Variants in ZMIZ1 observed in about 807,000 individuals in gnomAD.
The protein encoded by ZMIZ1 is zinc finger MIZ domain-containing protein 1.
Under a neutral mutation model 113.9 loss-of-function variants are expected in ZMIZ1, and 17 were observed. The ratio of observed to expected loss-of-function variants is 0.15; its 90% CI spans 0.10 to 0.22. ZMIZ1 has a LOEUF of 0.22. Ranked by LOEUF, ZMIZ1 falls within the 10% of genes least tolerant of loss-of-function variation. The probability of loss-of-function intolerance (pLI) is 1.00; values close to 1 mark genes in which losing one functional copy is unlikely to be tolerated. For synonymous variants in ZMIZ1, 607 were observed against 603.1 expected (o/e 1.01, Z -0.09); for missense variants, 1,059 against 1,477.8 (o/e 0.72, Z 4.65).
chr10:79,306,035 G>C, intron 21 of ZMIZ1, 65 bp from the exon 22 acceptor site: 1 of 1,569,552 alleles, frequency 6.4e-7, no homozygotes, highest in South Asian at 1.2e-5. Flanking sequence ...GTCGGAGCTG[G>C]AGGTGCTTTT....
chr10:79,174,014 C>A (rs576274512), intron 4 of ZMIZ1, among the ~76,000 whole-genome samples: 11 of 152,352 alleles, frequency 7.2e-5, no homozygotes, highest in African/African-American at 2.6e-4. Context: ...CTGTAAACTT[C>A]AGGTTCCCTG....
chr10:79,170,515 G>A (rs2132529222), intron 4 of ZMIZ1, among the ~76,000 whole-genome samples: 1 of 152,268 alleles, frequency 6.6e-6, no homozygotes, highest in Admixed American at 6.5e-5. Flanking sequence ...TGCCTTCCAG[G>A]AGGCCCTAAC....
At chr10:79,226,715 C>A (rs1849213688) in intron 7 of ZMIZ1, among the ~76,000 whole-genome samples, 1 of 152,176 alleles carries the variant, frequency 6.6e-6, no homozygotes, top group African/African-American at 2.4e-5. Flanking sequence ...CTTTTTTTAA[C>A]CAAGTGTTGC....
At chr10:79,279,710 C>T (rs963627871) in intron 8 of ZMIZ1, among the ~76,000 whole-genome samples, 5 of 152,206 alleles carry the variant, frequency 3.3e-5, no homozygotes, top group Non-Finnish European at 5.9e-5. Context: ...GTCTGCAATC[C>T]GGCACCTTGG....
At chr10:79,264,591 G>A (rs1564563707) in intron 7 of ZMIZ1, among the ~76,000 whole-genome samples, 1 of 152,188 alleles carries the variant, frequency 6.6e-6, no homozygotes. Context: ...GGCCAGCCTT[G>A]GCCCTGGCCT....
At position 79,306,232 on chromosome 10, in the gene ZMIZ1, G is replaced by A; in HGVS notation, c.2556G>A (p.Gln852=). Residue 852 remains glutamine, a synonymous_variant, in exon 22 of 25, where the codon CAG becomes CAA. Transcript: ENST00000334512. Reference sequence around the variant, plus strand: ...GGTTCAAGACCATGAGTCCCAGCCAGATGATCATGCCCAATGTCATGGAGA... The same window carrying A: ...GGTTCAAGACCATGAGTCCCAGCCAAATGATCATGCCCAATGTCATGGAGA... The part of the protein sequence containing the change: ...SKRFKTMSPS[Q]MIMPNVMEMI... 1 of 1,614,182 alleles carries A rather than the reference G, an allele frequency of 6.2e-7. No individual in the cohort carries two copies.
intron 6 of ZMIZ1, among the ~76,000 whole-genome samples, chr10:79,215,880 T>G (rs1848705988): frequency 6.6e-6 from 1 of 152,072 alleles, no homozygotes. Flanking sequence ...TTCTAAAATG[T>G]GGTCGAATCT....
chr10:79,115,064 T>A (rs1180448404), intron 1 of ZMIZ1, among the ~76,000 whole-genome samples: 2 of 152,238 alleles, frequency 1.3e-5, no homozygotes, highest in African/African-American at 4.8e-5. Context: ...GCCCAGGTGA[T>A]TCTTAGCAGA....
intron 5 of ZMIZ1, among the ~76,000 whole-genome samples, chr10:79,207,704 C>T (rs1399308959): frequency 6.6e-6 from 1 of 152,200 alleles, no homozygotes; most frequent in Non-Finnish European, 1.5e-5. Context: ...ACAGCAGCCC[C>T]TAGTGTGAGG....
rs142122842 is a variant in ZMIZ1 at position 79,304,034 on chromosome 10, C to T, written c.2145C>T (p.Ser715=). 60 of 1,614,026 alleles carry T rather than the reference C, an allele frequency of 3.7e-5. No individual in the cohort carries two copies. In the African/African-American group the frequency reaches 5.2e-4, roughly 14 times the overall value. Residue 715 remains serine, a synonymous_variant, in exon 19 of 25, where the codon AGC becomes AGT. Transcript: ENST00000334512. Reference sequence around the variant, plus strand: ...CCGCAGTCAAGCGGAATTTCAGCAGCGTGGCTGCCTCCTCGGGCAACACGA... The same window carrying T: ...CCGCAGTCAAGCGGAATTTCAGCAGTGTGGCTGCCTCCTCGGGCAACACGA... The part of the protein sequence containing the change: ...CITKIKRNFS[S]VAASSGNTTL...
At chr10:79,116,811 C>G (rs996232060) in intron 1 of ZMIZ1, among the ~76,000 whole-genome samples, 2 of 152,210 alleles carry the variant, frequency 1.3e-5, no homozygotes, top group African/African-American at 4.8e-5. Flanking sequence ...CACTAGAGCC[C>G]CCTGTGCCCT....
chr10:79,210,175 G>A (rs1848477801), intron 6 of ZMIZ1, among the ~76,000 whole-genome samples: 1 of 152,144 alleles, frequency 6.6e-6, no homozygotes, highest in South Asian at 2.1e-4. Context: ...GAGGAGGTGG[G>A]AACCTTGTGT....
chr10:79,145,690 A>G (rs1258191633), intron 3 of ZMIZ1, among the ~76,000 whole-genome samples: 1 of 152,184 alleles, frequency 6.6e-6, no homozygotes, highest in Non-Finnish European at 1.5e-5. Flanking sequence ...GAAGGGCTTT[A>G]GCGGAGGGAG....
chr10:79,223,381 C>G (rs547410338), intron 7 of ZMIZ1, among the ~76,000 whole-genome samples: 3 of 152,346 alleles, frequency 2.0e-5, no homozygotes, highest in African/African-American at 7.2e-5. Context: ...AAGGTCGGGA[C>G]AGACTTCTTC....
At chr10:79,201,888 C>T (rs1415027214) in intron 5 of ZMIZ1, among the ~76,000 whole-genome samples, 196 bp downstream of exon 5, 3 of 151,910 alleles carry the variant, frequency 2.0e-5, no homozygotes, top group Non-Finnish European at 4.4e-5. Context: ...CAATGCTGCC[C>T]TGTCCCTTTC....
intron 3 of ZMIZ1, among the ~76,000 whole-genome samples, chr10:79,158,602 G>A (rs1845991714): frequency 6.6e-6 from 1 of 152,180 alleles, no homozygotes; most frequent in Admixed American, 6.5e-5. Flanking sequence ...CCTAAATTTC[G>A]GGCACCACTG....
chr10:79,141,364 T>G (rs1320867592), intron 3 of ZMIZ1, among the ~76,000 whole-genome samples: 1 of 152,196 alleles, frequency 6.6e-6, no homozygotes, highest in East Asian at 1.9e-4. Context: ...ATAGGTCAGG[T>G]GACGCTAAGT....
chr10:79,168,102 C>G (rs1288967242), intron 4 of ZMIZ1, among the ~76,000 whole-genome samples: 4 of 152,246 alleles, frequency 2.6e-5, no homozygotes, highest in African/African-American at 4.8e-5. Flanking sequence ...GCCAATTTTC[C>G]TCTTTGTTAC....
intron 7 of ZMIZ1, among the ~76,000 whole-genome samples, chr10:79,270,206 G>T (rs571155527): frequency 6.6e-6 from 1 of 152,200 alleles, no homozygotes; most frequent in Admixed American, 6.5e-5. Flanking sequence ...TCCCCCTAAC[G>T]GACAGACAGT....
Sources: allele counts gnomAD v4.1 joint callset (sites outside exome capture counted in the v4.1 genomes callset), GRCh38; gene constraint gnomAD v4.1.1; transcripts MANE v1.5; gene names NCBI Gene and HGNC (gene_info 2026-07-23, HGNC 2026-07-21).